The following HAL variants were observed in gnomAD, a reference collection of about 807,000 sequenced individuals.
HAL encodes the protein histidine ammonia-lyase.
In HAL, 85 loss-of-function variants were observed where a neutral mutation model predicts 81.1. The observed-to-expected ratio is 1.05, with a 90% CI of 0.88 to 1.25. The LOEUF is 1.25. Among genes scored for constraint, HAL ranks in the 50% most tolerant of loss-of-function variants. The probability of loss-of-function intolerance (pLI) is 0.00; values close to 1 mark genes in which losing one functional copy is unlikely to be tolerated. For missense variants in HAL, 798 were observed against 836.6 expected, an observed-to-expected ratio of 0.95 and a Z score of 0.57; for synonymous variants, 301 against 309.2, an observed-to-expected ratio of 0.97 and a Z score of 0.28.
rs374613602 is a variant in HAL, at chr12:95,979,876, T to C, written c.1519+680A>G. Among the ~76,000 whole-genome samples, 6 of 152,364 alleles carry C rather than the reference T, an allele frequency of 3.9e-5. No individual in the cohort carries two copies. In the East Asian group the frequency reaches 9.6e-4, roughly 24 times the overall value. ...CACTTAACTCTCAGATCTTCAGATATTCATCTATAGATAACAATAATAGCA... is the reference window on the plus strand; with the variant it reads ...CACTTAACTCTCAGATCTTCAGATACTCATCTATAGATAACAATAATAGCA... On this transcript the variant is annotated intron_variant, in intron 17 of 20. Coordinates refer to ENST00000261208, the MANE Select transcript of HAL (RefSeq NM_002108.4).
intron 17 of HAL, 23 bp from the exon 18 acceptor site, chr12:95,978,101 A>G (rs1446834392): frequency 6.2e-7 from 1 of 1,609,984 alleles, no homozygotes; most frequent in South Asian, 1.1e-5. Context: ...AGTGCCAGTT[A>G]AGAAGTGCTC....
At chr12:95,975,280 A>C (rs2080702224) in intron 20 of HAL, among the ~76,000 whole-genome samples, 1 of 152,010 alleles carries the variant, frequency 6.6e-6, no homozygotes, top group African/African-American at 2.4e-5. Flanking sequence ...TAGCCACTTT[A>C]ATGTTGGAGA....
chr12:95,979,011 C>T (rs1336815990), intron 17 of HAL, among the ~76,000 whole-genome samples: 1 of 152,084 alleles, frequency 6.6e-6, no homozygotes, highest in Non-Finnish European at 1.5e-5. Flanking sequence ...TCCTTGGACC[C>T]TAAACTGTGG....
Position 95,995,801 on chromosome 12 carries a change from T to C in HAL, c.110A>G (p.Lys37Arg). 6.2e-7 allele frequency: 1 copy of C among 1,613,314 alleles called. No individual in the cohort carries two copies. The highest frequency in any genetic ancestry group is 1.1e-5 in the South Asian group (1 of 91,092). ...GAAGCCACCATTGTCGGGCTTATTCTTGATATAGCGCCTCACGGCCTCCCG... is the reference window on the plus strand; with the variant it reads ...GAAGCCACCATTGTCGGGCTTATTCCTGATATAGCGCCTCACGGCCTCCCG... Reference protein sequence around the residue: ...LGREAVRRYIKNKPDNGGFTS... With the variant: ...LGREAVRRYIRNKPDNGGFTS... Residue 37 changes from lysine (K) to arginine (R), a missense_variant, in exon 2 of 21, where the codon AAG becomes AGG. Physicochemically the swap from Lys to Arg is conservative, Grantham distance 26 (BLOSUM62 2). Transcript: ENST00000261208.
intron 11 of HAL, 71 bp downstream of exon 11, chr12:95,988,122 G>T: frequency 1.2e-6 from 1 of 819,674 alleles, no homozygotes; most frequent in Non-Finnish European, 2.2e-6. Context: ...TTGAGGCTGA[G>T]ATTAAAACTG....
chr12:95,980,668 T>A lies in HAL; in HGVS notation c.1407A>T (p.Arg469Ser), dbSNP rs1382147470. ...AGGGATTGCAGAGCCGCTCGATTCT[T>A]CTCTCACTGATTGCAGCAAGTTCAT... The part of the protein sequence containing the change: ...GIHELAAISE[R>S]RIERLCNPSL... The change falls in exon 17 of 21, where the codon AGA (arginine) becomes AGT (serine). Residue 469 changes from arginine (R) to serine (S), a missense_variant. By Grantham distance (110) the Arg-to-Ser change is moderately radical (BLOSUM62 -1). Coordinates refer to ENST00000261208, the MANE Select transcript of HAL (RefSeq NM_002108.4). 1 of 1,614,026 alleles carries A rather than the reference T, an allele frequency of 6.2e-7. No homozygotes were observed. The highest frequency in any genetic ancestry group is 8.5e-7 in the Non-Finnish European group (1 of 1,179,868).
chr12:95,993,613 C>G, intron 7 of HAL, 125 bp from the exon 8 acceptor site: 1 of 866,448 alleles, frequency 1.2e-6, no homozygotes, highest in Non-Finnish European at 2.0e-6. Flanking sequence ...TGGGAGAAAC[C>G]AGCCAGCCTG....
In HAL at chr12:95,976,235, T is replaced by C. The variant is rs150160886; in HGVS notation, c.1833+194A>G. The stretch of plus-strand genomic sequence containing the variant: ...TTTCTAATCCTTAGATATTCAACCG[T>C]TGGCTGCACCCTGGTGCACTTAGTG... On this transcript the variant is annotated intron_variant, in intron 20 of 20. Coordinates refer to ENST00000261208, the MANE Select transcript of HAL (RefSeq NM_002108.4). 225 of 643,868 alleles carry C rather than the reference T, an allele frequency of 3.5e-4. 2 individuals carry two copies. The African/African-American group carries it at 3.8e-3, about 11-fold the overall frequency. The allele number at this position is 643,868 out of a possible 1,614,324, so 39.9% of individuals were successfully genotyped here. A position where few individuals can be genotyped will look rare whatever the true frequency, so the allele number is the denominator to read the frequency against.
intron 10 of HAL, 140 bp downstream of exon 10, chr12:95,990,253 C>T (rs10745747): frequency 0.14 from 105,265 of 767,516 alleles, 8,189 homozygotes; most frequent in African/African-American, 0.27. Flanking sequence ...TCTAAGCTTT[C>T]GCTGTCTCAT....
At chr12:95,979,523 G>A (rs2080766006) in intron 17 of HAL, among the ~76,000 whole-genome samples, 1 of 152,192 alleles carries the variant, frequency 6.6e-6, no homozygotes. Flanking sequence ...GTAAATGGCA[G>A]AGCTGGGCTT....
At chr12:95,994,895 C>T (rs369403969) in intron 3 of HAL, 38 bp downstream of exon 3, 67 of 1,605,358 alleles carry the variant, frequency 4.2e-5, no homozygotes, top group Non-Finnish European at 5.4e-5. Flanking sequence ...GCAGGAGCCA[C>T]CCCCAGAGCA....
In HAL at chr12:95,990,531, G is replaced by A. The variant is rs201545675; in HGVS notation, c.717C>T (p.Ala239=). The A allele has an allele frequency of 2.5e-5, 40 of 1,613,258 alleles. No individual in the cohort carries two copies. In the Admixed American group the frequency reaches 6.2e-4, roughly 25 times the overall value. ...TCTCTGGGACATAGGGCAGGCAGGAGGCTGGGAGAGAAGTAGGCAGCAATT... is the reference window on the plus strand; with the variant it reads ...TCTCTGGGACATAGGGCAGGCAGGAAGCTGGGAGAGAAGTAGGCAGCAATT... ...TLKQVIEMFN[A]SCLPYVPEKG... Residue 239 remains alanine, a splice_region_variant and synonymous_variant, in exon 10 of 21, where the codon GCC becomes GCT. Transcript: ENST00000261208.
intron 5 of HAL, 44 bp downstream of exon 5, chr12:95,994,046 C>A (rs767936633): frequency 1.3e-6 from 2 of 1,595,466 alleles, no homozygotes; most frequent in Admixed American, 1.7e-5. Context: ...CTTCCACGGG[C>A]AACAAAAATG....
At chr12:95,995,312 T>C (rs115420271) in intron 2 of HAL, 6,001 of 560,320 alleles carry the variant, frequency 0.011, 164 homozygotes, top group African/African-American at 0.077. Context: ...GGGGTGGGGG[T>C]GGATTCTTTC....
intron 17 of HAL, 87 bp downstream of exon 17, chr12:95,980,469 C>CA (rs1372822180): frequency 1.5e-6 from 2 of 1,296,316 alleles, no homozygotes; most frequent in Non-Finnish European, 2.2e-6. Context: ...AGATCTCACT[C>CA]ACAGACCACA....
chr12:95,989,155 G>A (rs567755477), intron 10 of HAL, among the ~76,000 whole-genome samples: 15 of 152,250 alleles, frequency 9.9e-5, no homozygotes, highest in South Asian at 6.2e-4. Flanking sequence ...GTGGAGCAGC[G>A]GAGACGGAAG....
At chr12:95,979,599 A>G (rs1464067913) in intron 17 of HAL, among the ~76,000 whole-genome samples, 1 of 152,212 alleles carries the variant, frequency 6.6e-6, no homozygotes, top group East Asian at 1.9e-4. Flanking sequence ...GTTGTTAGAT[A>G]AAGTAAAGGA....
chr12:95,976,610 C>T lies in HAL; in HGVS notation c.1751G>A (p.Arg584His), dbSNP rs148214250. 2.7e-4 allele frequency: 440 copies of T among 1,605,156 alleles called. 1 individual carries two copies. Among genetic ancestry groups the T allele is most frequent in the Middle Eastern group, 1.2e-3 (7 of 6,070 alleles). Residue 584 changes from arginine (R) to histidine (H), a missense_variant, in exon 19 of 21, where the codon CGC (arginine) becomes CAC (histidine). Coordinates refer to ENST00000261208, the MANE Select transcript of HAL (RefSeq NM_002108.4). ...TGTTTGATCTTACCTTACAACAGAG[C>T]GCACCAGGTCATAGACCTTCTCCAG... Reference protein sequence around the residue: ...TPLEKVYDLVRSVVRPWIKDR... With the variant: ...TPLEKVYDLVHSVVRPWIKDR...
chr12:95,986,167 T>G lies in HAL; in HGVS notation c.1052-7A>C, dbSNP rs201386781. 12 of 1,511,628 alleles carry G rather than the reference T, an allele frequency of 7.9e-6. No homozygotes were observed. The highest frequency in any genetic ancestry group is 1.1e-5 in the Non-Finnish European group (12 of 1,086,480). 93.6% of individuals were successfully genotyped at this position (1,511,628 alleles called of 1,614,324 possible). A position where few individuals can be genotyped will look rare whatever the true frequency, so the allele number is the denominator to read the frequency against. ...GGTCGAAGAGCATGAATGTCTAGAA[T>G]TGATGAAGGAGAAAAAGTCTGAATA... On this transcript the variant is annotated splice_region_variant and splice_polypyrimidine_tract_variant and intron_variant, in intron 12 of 20. Coordinates refer to ENST00000261208, the MANE Select transcript of HAL (RefSeq NM_002108.4).
Sources: allele counts gnomAD v4.1 joint callset (sites outside exome capture counted in the v4.1 genomes callset), GRCh38; gene constraint gnomAD v4.1.1; transcripts MANE v1.5; gene names NCBI Gene and HGNC (gene_info 2026-07-23, HGNC 2026-07-21).